GSDME: variants seen among roughly 807,000 people sequenced by gnomAD.
The protein encoded by GSDME is gasdermin E, also known as gasdermin-E.
Under a neutral mutation model 47.5 loss-of-function variants are expected in GSDME, and 44 were observed. The ratio of observed to expected loss-of-function variants is 0.93; its 90% CI spans 0.73 to 1.19. The LOEUF is 1.19. GSDME is among the 50% of genes most tolerant of loss of function. The probability of loss-of-function intolerance (pLI) is 0.00; values close to 1 mark genes in which losing one functional copy is unlikely to be tolerated. For missense variants in GSDME, 663 were observed against 604.2 expected (o/e 1.10, Z -1.02); for synonymous variants, 258 against 252.8 (o/e 1.02, Z -0.20).
At chr7:24,750,036 T>G (rs1276918704) in intron 1 of GSDME, among the ~76,000 whole-genome samples, 1 of 152,184 alleles carries the variant, frequency 6.6e-6, no homozygotes, top group Non-Finnish European at 1.5e-5. Context: ...TAAGTCTTAG[T>G]GGTTTATTAC....
intron 7 of GSDME, chr7:24,707,549 T>TAC: frequency 2.5e-6 from 1 of 393,628 alleles, no homozygotes; most frequent in Non-Finnish European, 5.2e-6. Context: ...CAACATATGT[T>TAC]ACCTGGAACC....
the GSDME span, among the ~76,000 whole-genome samples, chr7:24,778,271 T>C: frequency 6.6e-6 from 1 of 151,874 alleles, no homozygotes; most frequent in Non-Finnish European, 1.5e-5. This position sits in a 1 kb window ranked among gnomAD's most constrained non-coding sequence, Gnocchi z 5.6. Flanking sequence ...AACAAAAGGC[T>C]GGAACCCAGA....
the GSDME span, among the ~76,000 whole-genome samples, chr7:24,780,138 A>G: frequency 5.4e-4 from 82 of 152,378 alleles, no homozygotes; most frequent in Admixed American, 1.6e-3. The surrounding 1 kb of genome is among the most constrained non-coding windows in gnomAD (Gnocchi z 4.1). Flanking sequence ...CCCTGGCAGG[A>G]CGTCCGAGAA....
Position 24,742,982 on chromosome 7 carries a change from G to C in GSDME, c.404+1580C>G, listed in dbSNP as rs1790537790. Among the ~76,000 whole-genome samples, 1 of 152,222 alleles carries C rather than the reference G, an allele frequency of 6.6e-6. No homozygotes were observed. ...GTCCCTTCTACCTGGTGCTACCAGA[G>C]AGAACTTCAAATCATCTGACCAAAA... is the stretch of plus-strand genomic sequence containing the variant. On this transcript the variant is annotated intron_variant, in intron 3 of 9. Coordinates refer to ENST00000645220, the MANE Select transcript of GSDME (RefSeq NM_001127453.2). This position sits in a 1 kb window ranked among gnomAD's most constrained non-coding sequence, Gnocchi z 4.4.
At chr7:24,753,496 TAAAC>T (rs1490980295) in intron 1 of GSDME, among the ~76,000 whole-genome samples, 9 of 152,206 alleles carry the variant, frequency 5.9e-5, no homozygotes, top group South Asian at 2.1e-4. Context: ...GTCCTCTTCA[TAAAC>T]AAACAAATGT....
Position 24,719,080 on chromosome 7 carries a change from A to G in GSDME, c.543T>C (p.Gly181=), listed in dbSNP as rs1241714950. 2 of 1,613,238 alleles carry G rather than the reference A, an allele frequency of 1.2e-6. No individual in the cohort carries two copies. Among genetic ancestry groups the G allele is most frequent in the African/African-American group, 1.3e-5 (1 of 74,914 alleles). The part of the protein sequence containing the change: ...SEHMQVEEKC[G]GIVGIQTKTV... ...TCTTGGTCTGGATGCCCACGATGCC[A>G]CCACACTTCTCCTCGACCTGCATGT... The change falls in exon 4 of 10, where the codon GGT becomes GGC. Residue 181 remains glycine, a synonymous_variant. Coordinates refer to ENST00000645220, the MANE Select transcript of GSDME (RefSeq NM_001127453.2).
the GSDME span, among the ~76,000 whole-genome samples, chr7:24,780,749 G>C: frequency 5.9e-5 from 9 of 152,236 alleles, no homozygotes; most frequent in African/African-American, 2.2e-4. This position sits in a 1 kb window ranked among gnomAD's most constrained non-coding sequence, Gnocchi z 4.1. Context: ...TCCGCAAGCG[G>C]CAGAGCAGGG....
chr7:24,703,121 G>C (rs371733527), intron 8 of GSDME: 6 of 374,398 alleles, frequency 1.6e-5, no homozygotes, highest in Non-Finnish European at 3.1e-5. Flanking sequence ...GGGAAGGAAA[G>C]GAAACAGCAT....
chr7:24,744,984 C>CGTGTGTGTGTGTGTGTGT lies in GSDME; in HGVS notation c.212-248_212-231dup, dbSNP rs3038357. On this transcript the variant is annotated intron_variant, in intron 2 of 9. Transcript: ENST00000645220. The surrounding 1 kb of genome is among the most constrained non-coding windows in gnomAD (Gnocchi z 4.5). ...GGGCACACAGTGGACCAGTGCAGCA[C>CGTGTGTGTGTGTGTGTGT]GTGTGTGTGTGTGTGTGTGTGTGTG... 4.2e-5 allele frequency among the ~76,000 whole-genome samples: 5 copies of CGTGTGTGTGTGTGTGTGT among 118,998 alleles called. No homozygotes were observed. The highest frequency in any genetic ancestry group is 8.9e-5 in the Non-Finnish European group (5 of 56,312). The allele number at this position is 118,998 out of a possible 152,430, so 78.1% of individuals were successfully genotyped here. A position where few individuals can be genotyped will look rare whatever the true frequency, so the allele number is the denominator to read the frequency against.
chr7:24,720,340 A>G (rs1027975423), intron 3 of GSDME, among the ~76,000 whole-genome samples: 4 of 152,232 alleles, frequency 2.6e-5, no homozygotes, highest in African/African-American at 9.7e-5. Context: ...CAGCACAAGA[A>G]AAATTATGGT....
At chr7:24,769,775 G>T in the GSDME span, among the ~76,000 whole-genome samples, 74 of 152,152 alleles carry the variant, frequency 4.9e-4, 1 homozygote, top group Admixed American at 1.6e-3. Flanking sequence ...ACACACGCAT[G>T]CAATCTGAAA....
the GSDME span, among the ~76,000 whole-genome samples, chr7:24,786,201 A>C: frequency 6.6e-6 from 1 of 152,320 alleles, no homozygotes; most frequent in African/African-American, 2.4e-5. The surrounding 1 kb of genome is among the most constrained non-coding windows in gnomAD (Gnocchi z 5.5). Flanking sequence ...CTACCCACTA[A>C]CTAGAGATAA....
At chr7:24,700,309 GA>G (rs1262929709) in intron 9 of GSDME, among the ~76,000 whole-genome samples, 1 of 152,016 alleles carries the variant, frequency 6.6e-6, no homozygotes, top group African/African-American at 2.4e-5. Context: ...ACACATACTT[GA>G]AATATTTGAT....
chr7:24,791,581 G>A, the GSDME span, among the ~76,000 whole-genome samples: 1 of 152,322 alleles, frequency 6.6e-6, no homozygotes, highest in Non-Finnish European at 1.5e-5. The surrounding 1 kb of genome is among the most constrained non-coding windows in gnomAD (Gnocchi z 4.8). Context: ...TACGACTGCA[G>A]CTCCTAGCAG....
At position 24,699,175 on chromosome 7, in the gene GSDME, C is replaced by G; in HGVS notation, c.1342G>C (p.Val448Leu). 6.2e-7 allele frequency: 1 copy of G among 1,614,214 alleles called. No homozygotes were observed. The highest frequency in any genetic ancestry group is 2.2e-5 in the East Asian group (1 of 44,888). Reference sequence around the variant, plus strand: ...TCAGCTGAGGCAAACAAGCGCTGCACAATCCCAAACCTTTCTGTATCTTTC... The same window carrying G: ...TCAGCTGAGGCAAACAAGCGCTGCAGAATCCCAAACCTTTCTGTATCTTTC... ...PLKDTERFGI[V>L]QRLFASADIS... is the part of the protein sequence containing the mutation. The change falls in exon 10 of 10, where the codon GTG (valine) becomes CTG (leucine). Residue 448 changes from valine (V) to leucine (L), a missense_variant. By Grantham distance (32) the Val-to-Leu change is conservative (BLOSUM62 1). Coordinates refer to ENST00000645220, the MANE Select transcript of GSDME (RefSeq NM_001127453.2).
At chr7:24,772,533 T>C in the GSDME span, among the ~76,000 whole-genome samples, 1 of 152,216 alleles carries the variant, frequency 6.6e-6, no homozygotes, top group Non-Finnish European at 1.5e-5. The surrounding 1 kb of genome is among the most constrained non-coding windows in gnomAD (Gnocchi z 4.5). Context: ...TCCACAGATA[T>C]CTGTTGAATG....
chr7:24,763,143 C>T, the GSDME span, among the ~76,000 whole-genome samples: 1 of 152,132 alleles, frequency 6.6e-6, no homozygotes, highest in Non-Finnish European at 1.5e-5. This position sits in a 1 kb window ranked among gnomAD's most constrained non-coding sequence, Gnocchi z 4.3. Context: ...CCTTTTTCAT[C>T]TTAAGCAAGC....
chr7:24,703,206 A>G, intron 8 of GSDME: 1 of 347,322 alleles, frequency 2.9e-6, no homozygotes, highest in Non-Finnish European at 5.6e-6. Flanking sequence ...CTGCAGCCTC[A>G]GGTACACCTC....
chr7:24,734,495 A>G (rs917316875), intron 3 of GSDME, among the ~76,000 whole-genome samples: 1 of 152,260 alleles, frequency 6.6e-6, no homozygotes, highest in African/African-American at 2.4e-5. Flanking sequence ...GTGACCTTTC[A>G]AACAGAAAAT....
Sources: gnomAD v4.1 joint callset for allele counts (sites outside exome capture counted in the v4.1 genomes callset) on GRCh38, gnomAD v4.1.1 for gene constraint, Gnocchi (gnomAD v3.1) non-coding constraint, MANE v1.5 for transcripts, NCBI Gene and HGNC (gene_info 2026-07-23, HGNC 2026-07-21) for gene names.